The following BBOX1 variants were observed in gnomAD, a reference collection of about 807,000 sequenced individuals.
BBOX1 encodes the protein gamma-butyrobetaine dioxygenase.
Under a neutral mutation model 41.6 loss-of-function variants are expected in BBOX1, and 35 were observed. The observed-to-expected ratio is 0.84, with a 90% CI of 0.64 to 1.11. The LOEUF is 1.11. Ranked by LOEUF, BBOX1 falls within the 50% of genes most tolerant of loss-of-function variation. The probability of loss-of-function intolerance (pLI) is 0.00; values close to 1 mark genes in which losing one functional copy is unlikely to be tolerated. For synonymous variants in BBOX1, 163 were observed against 154.7 expected (o/e 1.05, Z -0.40); for missense variants, 458 against 460.6 (o/e 0.99, Z 0.05).
intron 4 of BBOX1, among the ~76,000 whole-genome samples, chr11:27,066,276 T>C (rs547780235): frequency 1.1e-3 from 170 of 152,268 alleles, no homozygotes; most frequent in Middle Eastern, 0.01. Context: ...TTTTATAACA[T>C]TGGCAGTTGG....
intron 4 of BBOX1, among the ~76,000 whole-genome samples, chr11:27,082,175 CTCCAA>C (rs1857864700): frequency 6.6e-6 from 1 of 152,100 alleles, no homozygotes; most frequent in East Asian, 1.9e-4. Flanking sequence ...CAGGCCCCAC[CTCCAA>C]TACTGAGAAT....
chr11:27,089,205 A>ATGAAG (rs1554941646), intron 4 of BBOX1, among the ~76,000 whole-genome samples: 8 of 151,800 alleles, frequency 5.3e-5, no homozygotes, highest in African/African-American at 1.9e-4. Context: ...TTAAAATTAA[A>ATGAAG]TAAACACTTT....
chr11:27,055,486 T>A lies in BBOX1; in HGVS notation c.56T>A (p.Ile19Asn). ...EALDGAHLMQ[I>N]LWYDEEESLY... is the part of the protein sequence containing the mutation. ...CTTGACGGGGCTCATTTGATGCAGATCCTCTGGTATGATGAGGAAGAGTCT... is the reference window on the plus strand; with the variant it reads ...CTTGACGGGGCTCATTTGATGCAGAACCTCTGGTATGATGAGGAAGAGTCT... Residue 19 changes from isoleucine (I) to asparagine (N), a missense_variant, in exon 3 of 9, where the codon ATC becomes AAC. Coordinates refer to ENST00000263182, the MANE Select transcript of BBOX1 (RefSeq NM_003986.3). The A allele has an allele frequency of 6.2e-7, 1 of 1,614,152 alleles. No individual in the cohort carries two copies.
At chr11:27,044,834 C>T (rs1028134616) in intron 2 of BBOX1, among the ~76,000 whole-genome samples, 1 of 152,106 alleles carries the variant, frequency 6.6e-6, no homozygotes, top group Non-Finnish European at 1.5e-5. Context: ...TTACTGTGGC[C>T]TTGTAGTATA....
intron 4 of BBOX1, among the ~76,000 whole-genome samples, chr11:27,086,832 G>A (rs1420697041): frequency 6.6e-6 from 1 of 152,004 alleles, no homozygotes; most frequent in Admixed American, 6.6e-5. Flanking sequence ...CATGGGAGGA[G>A]GTAAAAATAC....
intron 4 of BBOX1, among the ~76,000 whole-genome samples, chr11:27,072,506 T>G (rs903635648): frequency 2.3e-4 from 35 of 152,268 alleles, no homozygotes; most frequent in African/African-American, 8.2e-4. Flanking sequence ...CCAAGGTAAT[T>G]TATAGATTCA....
chr11:27,076,328 G>T lies in BBOX1; in HGVS notation c.335-16840G>T, dbSNP rs539353293. 3.9e-5 allele frequency among the ~76,000 whole-genome samples: 6 copies of T among 152,278 alleles called. No homozygotes were observed. The South Asian group carries it at 1.2e-3, about 32-fold the overall frequency. On this transcript the variant is annotated intron_variant, in intron 4 of 8. Coordinates refer to ENST00000263182, the MANE Select transcript of BBOX1 (RefSeq NM_003986.3). The stretch of plus-strand genomic sequence containing the variant: ...TGGTTATAAATAACCTTAGTGTGTT[G>T]GCTTTCTCAAATGCTGGCTGAAGAA...
chr11:27,093,386 G>A lies in BBOX1; in HGVS notation c.533+20G>A. The stretch of plus-strand genomic sequence containing the variant: ...TTATGGGTGAGTCACCAAATGGTTT[G>A]TATTCTGCCATCACAGATAAGGTTT... On this transcript the variant is annotated intron_variant, in intron 5 of 8. Transcript: ENST00000263182. 6.2e-7 allele frequency: 1 copy of A among 1,608,964 alleles called. No homozygotes were observed. The highest frequency in any genetic ancestry group is 8.5e-7 in the Non-Finnish European group (1 of 1,176,296).
At chr11:27,058,258 C>T (rs2133966922) in intron 4 of BBOX1, among the ~76,000 whole-genome samples, 1 of 152,302 alleles carries the variant, frequency 6.6e-6, no homozygotes, top group Admixed American at 6.5e-5. Context: ...CCTGAAGCCT[C>T]TCCAGAAGTT....
chr11:27,053,434 T>TA (rs1262827388), intron 2 of BBOX1, among the ~76,000 whole-genome samples: 1 of 152,218 alleles, frequency 6.6e-6, no homozygotes, highest in Non-Finnish European at 1.5e-5. Context: ...TATAGGGTTT[T>TA]AAAAAATAAA....
At chr11:27,118,209 T>C (rs1859334918) in intron 6 of BBOX1, among the ~76,000 whole-genome samples, 1 of 151,960 alleles carries the variant, frequency 6.6e-6, no homozygotes, top group Admixed American at 6.6e-5. Context: ...CCTGTACCTG[T>C]CTCCAGCAAA....
chr11:27,126,921 A>G (rs1041494416), intron 8 of BBOX1, among the ~76,000 whole-genome samples: 10 of 152,028 alleles, frequency 6.6e-5, no homozygotes, highest in African/African-American at 1.2e-4. Flanking sequence ...TGATCCGCCC[A>G]CCTCGGCCTC....
chr11:27,071,037 T>C (rs1857428861), intron 4 of BBOX1, among the ~76,000 whole-genome samples: 1 of 152,050 alleles, frequency 6.6e-6, no homozygotes, highest in African/African-American at 2.4e-5. Flanking sequence ...TGGAACTTAG[T>C]TTTGCAGGAT....
chr11:27,126,529 A>G (rs1367977006), intron 8 of BBOX1, among the ~76,000 whole-genome samples: 2 of 152,170 alleles, frequency 1.3e-5, no homozygotes, highest in Non-Finnish European at 2.9e-5. Flanking sequence ...GTGTGAAAAG[A>G]TGAGAGAATA....
At chr11:27,100,230 GT>G (rs1331788519) in intron 5 of BBOX1, among the ~76,000 whole-genome samples, 3 of 152,092 alleles carry the variant, frequency 2.0e-5, no homozygotes, top group Non-Finnish European at 2.9e-5. Flanking sequence ...ACAGCTACTT[GT>G]TTGAAATACT....
intron 4 of BBOX1, among the ~76,000 whole-genome samples, chr11:27,077,365 TC>T: frequency 6.6e-6 from 1 of 152,230 alleles, no homozygotes; most frequent in Non-Finnish European, 1.5e-5. Context: ...ATTGCCAGGT[TC>T]CCCAGTGGAA....
chr11:27,115,240 T>C (rs748552023), intron 5 of BBOX1, among the ~76,000 whole-genome samples: 8 of 151,912 alleles, frequency 5.3e-5, no homozygotes, highest in Non-Finnish European at 1.2e-4. Flanking sequence ...TACTCTTTTG[T>C]TGAGAGGAGA....
Position 27,119,695 on chromosome 11 carries a change from C to T in BBOX1, c.686C>T (p.Ser229Leu), listed in dbSNP as rs1236992975. 2.6e-6 allele frequency: 4 copies of T among 1,568,404 alleles called. No individual in the cohort carries two copies. The African/African-American group carries it at 4.1e-5, about 16-fold the overall frequency. Reference protein sequence around the residue: ...CIKQTVTGGDSEIVDGFNVCQ... With the variant: ...CIKQTVTGGDLEIVDGFNVCQ... ...AAGCAAACAGTCACAGGGGGTGATT[C>T]AGAAATTGTAGATGGGTTTAATGTG... Residue 229 changes from serine (S) to leucine (L), a missense_variant, in exon 7 of 9, where the codon TCA (serine) becomes TTA (leucine). Physicochemically the swap from Ser to Leu is moderately radical, Grantham distance 145. Transcript: ENST00000263182.
At chr11:27,069,804 T>C (rs1857389318) in intron 4 of BBOX1, among the ~76,000 whole-genome samples, 2 of 152,138 alleles carry the variant, frequency 1.3e-5, no homozygotes, top group East Asian at 1.9e-4. Flanking sequence ...CATTTTGAGG[T>C]ACGTTCCTTC....
Sources: allele counts gnomAD v4.1 joint callset (sites outside exome capture counted in the v4.1 genomes callset), GRCh38; gene constraint gnomAD v4.1.1; transcripts MANE v1.5; gene names NCBI Gene and HGNC (gene_info 2026-07-23, HGNC 2026-07-21).